PLCB1: variants seen among roughly 807,000 people sequenced by gnomAD.
The protein encoded by PLCB1 is 1-phosphatidylinositol 4,5-bisphosphate phosphodiesterase beta-1.
PLCB1 carries 46 observed loss-of-function variants against 161.8 expected under a neutral mutation model. The observed-to-expected ratio is 0.28, with a 90% CI of 0.22 to 0.36. The LOEUF is 0.36. PLCB1 is among the 10% of genes least tolerant of loss of function. The pLI is 1.00. For synonymous variants in PLCB1, 517 were observed against 503.7 expected (o/e 1.03, Z -0.35); for missense variants, 1,016 against 1,472.5 (o/e 0.69, Z 5.07).
chr20:8,689,535 T>G (rs1990427532), intron 10 of PLCB1, among the ~76,000 whole-genome samples: 1 of 152,182 alleles, frequency 6.6e-6, no homozygotes, highest in Non-Finnish European at 1.5e-5. Flanking sequence ...CCAATTTTGC[T>G]GAGCTGTGCT....
chr20:8,155,433 CTCTTATGATAA>C (rs1156352646), intron 2 of PLCB1, among the ~76,000 whole-genome samples: 1 of 152,134 alleles, frequency 6.6e-6, no homozygotes, highest in African/African-American at 2.4e-5. Context: ...AGATAGTCTT[CTCTTATGATAA>C]CCTTAAATTT....
intron 4 of PLCB1, among the ~76,000 whole-genome samples, chr20:8,630,607 TG>T (rs1336360744): frequency 1.3e-5 from 2 of 152,198 alleles, no homozygotes; most frequent in Non-Finnish European, 2.9e-5. Context: ...GATAGTTGGA[TG>T]GATAAATTAA....
At chr20:8,729,312 T>C in intron 18 of PLCB1, 138 bp downstream of exon 18, 4 of 579,234 alleles carry the variant, frequency 6.9e-6, no homozygotes, top group Non-Finnish European at 1.1e-5. Context: ...ATGAAGGGAA[T>C]ATCAATGCAT....
chr20:8,542,449 T>TTG (rs2122962191), intron 3 of PLCB1, among the ~76,000 whole-genome samples: 1 of 152,312 alleles, frequency 6.6e-6, no homozygotes, highest in East Asian at 1.9e-4. Context: ...ACACACGGGA[T>TTG]ATTATGTTGA....
intron 7 of PLCB1, among the ~76,000 whole-genome samples, chr20:8,651,012 A>G (rs1351317738): frequency 6.6e-6 from 1 of 152,164 alleles, no homozygotes; most frequent in African/African-American, 2.4e-5. Flanking sequence ...ATTTGCTTTC[A>G]TTTTGATTCA....
rs569234584 is a variant in PLCB1, at chr20:8,862,611, A to AT, written c.3424-19004dup. On this transcript the variant is annotated intron_variant, in intron 31 of 31. Coordinates refer to ENST00000338037, the MANE Select transcript of PLCB1 (RefSeq NM_015192.4). ...ACTATTTAGACTCAGAAAGAAATTG[A>AT]TTTTTTTAAATCTAAACATAGTTAC... Among the ~76,000 whole-genome samples, 383 of 152,266 alleles carry AT rather than the reference A, an allele frequency of 2.5e-3. 3 individuals are homozygous for AT. Among genetic ancestry groups the AT allele is most frequent in the African/African-American group, 8.4e-3 (348 of 41,550 alleles).
intron 31 of PLCB1, among the ~76,000 whole-genome samples, chr20:8,858,836 G>C (rs1300625129): frequency 7.0e-6 from 1 of 143,460 alleles, no homozygotes; most frequent in Admixed American, 7.3e-5. Flanking sequence ...GGGTTCAGTA[G>C]ACAAAGAAGG....
intron 3 of PLCB1, among the ~76,000 whole-genome samples, chr20:8,445,269 A>C (rs930032748): frequency 2.0e-5 from 3 of 152,214 alleles, no homozygotes; most frequent in Non-Finnish European, 4.4e-5. Context: ...ACATATGGCT[A>C]GCAGGTTTTC....
Position 8,470,207 on chromosome 20 carries a change from T to C in PLCB1, c.246+98757T>C, listed in dbSNP as rs191257105. ...GGACATTTCAGCCACTTCCACACTT[T>C]GGCTGTATGAGTAAGAACACATTTA... is the stretch of plus-strand genomic sequence containing the variant. On this transcript the variant is annotated intron_variant, in intron 3 of 31. Coordinates refer to ENST00000338037, the MANE Select transcript of PLCB1 (RefSeq NM_015192.4). Among the ~76,000 whole-genome samples the C allele has an allele frequency of 7.2e-5, 11 of 152,322 alleles. No homozygotes were observed. In the East Asian group the frequency reaches 2.1e-3, roughly 29 times the overall value.
chr20:8,542,772 T>C (rs1400516067), intron 3 of PLCB1, among the ~76,000 whole-genome samples: 1 of 152,216 alleles, frequency 6.6e-6, no homozygotes, highest in Non-Finnish European at 1.5e-5. Flanking sequence ...CTCAGTGTCC[T>C]TCGTTCAGAT....
chr20:8,690,803 A>G (rs911766350), intron 10 of PLCB1, among the ~76,000 whole-genome samples: 1 of 152,194 alleles, frequency 6.6e-6, no homozygotes, highest in Admixed American at 6.5e-5. Flanking sequence ...ATCAAACTAT[A>G]TACTAATTTC....
intron 2 of PLCB1, among the ~76,000 whole-genome samples, chr20:8,258,704 A>C (rs1420679988): frequency 6.6e-6 from 1 of 152,202 alleles, no homozygotes; most frequent in Non-Finnish European, 1.5e-5. Context: ...TTTCACTCTT[A>C]CCAACAAATA....
chr20:8,590,117 T>C (rs1427324524), intron 3 of PLCB1, among the ~76,000 whole-genome samples: 2 of 152,052 alleles, frequency 1.3e-5, no homozygotes, highest in Non-Finnish European at 2.9e-5. Context: ...ATATAATAAA[T>C]GTAGAGAAAA....
At chr20:8,837,170 A>G (rs1405530669) in intron 31 of PLCB1, among the ~76,000 whole-genome samples, 1 of 152,138 alleles carries the variant, frequency 6.6e-6, no homozygotes, top group Admixed American at 6.5e-5. Flanking sequence ...GGAAACTCTA[A>G]GGGCCTCCCT....
At chr20:8,253,031 A>G (rs970467337) in intron 2 of PLCB1, among the ~76,000 whole-genome samples, 4 of 151,984 alleles carry the variant, frequency 2.6e-5, no homozygotes, top group South Asian at 2.1e-4. Flanking sequence ...ATTAACAATA[A>G]TATGGTCTCC....
intron 31 of PLCB1, among the ~76,000 whole-genome samples, chr20:8,810,932 C>T (rs961450270): frequency 6.6e-6 from 1 of 152,192 alleles, no homozygotes; most frequent in African/African-American, 2.4e-5. Context: ...CACTACTGCA[C>T]TCTGGCCTCT....
chr20:8,250,729 CT>C (rs1981096475), intron 2 of PLCB1, among the ~76,000 whole-genome samples: 1 of 151,982 alleles, frequency 6.6e-6, no homozygotes. Flanking sequence ...AGAGACATTG[CT>C]GGCTGCCAGG....
chr20:8,881,164 C>T (rs1454707933), intron 31 of PLCB1, among the ~76,000 whole-genome samples: 1 of 152,006 alleles, frequency 6.6e-6, no homozygotes, highest in Admixed American at 6.6e-5. Flanking sequence ...CTATACCCAG[C>T]TCATTTTTGT....
intron 3 of PLCB1, among the ~76,000 whole-genome samples, chr20:8,419,993 A>C (rs1484608475): frequency 6.6e-6 from 1 of 152,214 alleles, no homozygotes; most frequent in African/African-American, 2.4e-5. Flanking sequence ...TTTGCCTATT[A>C]GAAATATGCC....
Sources: gnomAD v4.1 joint callset for allele counts (sites outside exome capture counted in the v4.1 genomes callset) on GRCh38, gnomAD v4.1.1 for gene constraint, MANE v1.5 for transcripts, NCBI Gene and HGNC (gene_info 2026-07-23, HGNC 2026-07-21) for gene names.